CACNA2D3: variants seen among roughly 807,000 people sequenced by gnomAD.
CACNA2D3 encodes the protein voltage-dependent calcium channel subunit alpha-2/delta-3.
CACNA2D3 carries 60 observed loss-of-function variants against 160.6 expected under a neutral mutation model. That is an observed-to-expected ratio of 0.37 (90% confidence interval 0.30 to 0.46). The LOEUF is 0.46. Ranked by LOEUF, CACNA2D3 falls within the 20% of genes least tolerant of loss-of-function variation. The pLI is 1.00. For synonymous variants in CACNA2D3, 558 were observed against 492.9 expected (o/e 1.13, Z -1.75); for missense variants, 1,205 against 1,365.0 (o/e 0.88, Z 1.85).
chr3:54,233,110 G>T (rs1701806873), intron 2 of CACNA2D3, among the ~76,000 whole-genome samples: 1 of 152,176 alleles, frequency 6.6e-6, no homozygotes, highest in Non-Finnish European at 1.5e-5. Context: ...GGAGGCATTT[G>T]AGTAGAGACT....
intron 4 of CACNA2D3, among the ~76,000 whole-genome samples, chr3:54,463,605 C>A (rs1005036787): frequency 4.6e-5 from 7 of 152,204 alleles, no homozygotes; most frequent in Non-Finnish European, 8.8e-5. Context: ...GTTCTCGAGC[C>A]TTGGCTTTCA....
intron 2 of CACNA2D3, among the ~76,000 whole-genome samples, chr3:54,309,029 T>G (rs1703671758): frequency 6.6e-6 from 1 of 152,254 alleles, no homozygotes; most frequent in Non-Finnish European, 1.5e-5. Context: ...GAGATATTTC[T>G]TCTCTAGCAC....
chr3:54,458,261 A>G (rs1700435095), intron 4 of CACNA2D3, among the ~76,000 whole-genome samples: 1 of 151,988 alleles, frequency 6.6e-6, no homozygotes. Context: ...CCACCAGTGA[A>G]TTTTGTAGTT....
At chr3:54,336,566 T>A (rs1392253253) in intron 3 of CACNA2D3, among the ~76,000 whole-genome samples, 2 of 152,140 alleles carry the variant, frequency 1.3e-5, no homozygotes, top group Non-Finnish European at 2.9e-5. Context: ...TTACATGAAA[T>A]TTACATTATA....
intron 11 of CACNA2D3, among the ~76,000 whole-genome samples, chr3:54,682,080 T>A (rs2106915971): frequency 6.6e-6 from 1 of 152,170 alleles, no homozygotes; most frequent in South Asian, 2.1e-4. Flanking sequence ...ATTTGAATCA[T>A]GTGTGCGTGA....
intron 11 of CACNA2D3, among the ~76,000 whole-genome samples, chr3:54,737,190 G>A (rs1269201841): frequency 1.4e-5 from 2 of 142,614 alleles, no homozygotes; most frequent in Non-Finnish European, 3.0e-5. Flanking sequence ...ATATGTGTGT[G>A]TGTGTGTGTG....
At chr3:55,003,575 G>A (rs558984148) in intron 31 of CACNA2D3, among the ~76,000 whole-genome samples, 27 of 152,250 alleles carry the variant, frequency 1.8e-4, no homozygotes, top group Admixed American at 1.1e-3. Flanking sequence ...TTAAATGCCC[G>A]TCTTCGTAGG....
intron 29 of CACNA2D3, among the ~76,000 whole-genome samples, chr3:54,976,238 G>A (rs1367235564): frequency 6.7e-6 from 1 of 149,352 alleles, no homozygotes. Context: ...GAGTCCCATA[G>A]CAATGGACTC....
intron 11 of CACNA2D3, among the ~76,000 whole-genome samples, chr3:54,697,152 C>T (rs781029759): frequency 1.8e-4 from 28 of 152,142 alleles, no homozygotes; most frequent in Non-Finnish European, 3.7e-4. Flanking sequence ...GTGGTGCATG[C>T]TTGTGGTCCC....
chr3:54,676,455 C>G (rs926525963), intron 11 of CACNA2D3, among the ~76,000 whole-genome samples: 1 of 152,120 alleles, frequency 6.6e-6, no homozygotes, highest in Non-Finnish European at 1.5e-5. Context: ...TTGCGTTGTT[C>G]AAACCCTCCT....
At chr3:54,666,985 G>A (rs1411588590) in intron 11 of CACNA2D3, among the ~76,000 whole-genome samples, 1 of 152,190 alleles carries the variant, frequency 6.6e-6, no homozygotes, top group African/African-American at 2.4e-5. Flanking sequence ...GGCTCTAGCG[G>A]TCGATTTTCC....
At chr3:54,378,948 C>T (rs1699055131) in intron 3 of CACNA2D3, among the ~76,000 whole-genome samples, 1 of 152,144 alleles carries the variant, frequency 6.6e-6, no homozygotes. Flanking sequence ...TAATCAGCCT[C>T]AAATTGATAA....
rs141011818 is a variant in CACNA2D3, at chr3:54,761,446, C to T, written c.1247-2772C>T. Among the ~76,000 whole-genome samples the T allele has an allele frequency of 6.3e-3, 963 of 152,318 alleles. 6 individuals are homozygous for T. The highest frequency in any genetic ancestry group is 0.014 in the Middle Eastern group (4 of 294). ...ATGAAATATTTTCTTTCTTATCAAA[C>T]GCTGATTGCAGCCTCCATGCTTGGA... On this transcript the variant is annotated intron_variant, in intron 12 of 37. Transcript: ENST00000474759.
intron 11 of CACNA2D3, among the ~76,000 whole-genome samples, chr3:54,720,115 T>G (rs971940611): frequency 5.3e-5 from 8 of 152,026 alleles, no homozygotes; most frequent in Non-Finnish European, 1.0e-4. Context: ...TACATCTGTT[T>G]GCTGTGTCAT....
intron 17 of CACNA2D3, among the ~76,000 whole-genome samples, chr3:54,852,019 T>A (rs1213183264): frequency 6.6e-6 from 1 of 152,204 alleles, no homozygotes. Context: ...TTATAGGACC[T>A]CCTCTTTCCT....
intron 31 of CACNA2D3, among the ~76,000 whole-genome samples, chr3:54,988,467 T>A (rs1406353599): frequency 6.6e-6 from 1 of 152,206 alleles, no homozygotes; most frequent in Non-Finnish European, 1.5e-5. Flanking sequence ...AATGCCTCCC[T>A]GGGGGTCCAT....
intron 2 of CACNA2D3, among the ~76,000 whole-genome samples, chr3:54,156,679 A>G (rs1279991649): frequency 1.3e-5 from 2 of 152,224 alleles, no homozygotes; most frequent in African/African-American, 2.4e-5. Context: ...GCCAGCCACC[A>G]TGTCATGAGA....
In CACNA2D3 at chr3:54,562,845, A is replaced by C. The variant is rs758754835; in HGVS notation, c.590A>C (p.Lys197Thr). 2 of 1,613,290 alleles carry C rather than the reference A, an allele frequency of 1.2e-6. No individual in the cohort carries two copies. The highest frequency in any genetic ancestry group is 3.3e-5 in the Admixed American group (2 of 60,014). The part of the protein sequence containing the change: ...NGVYWSESLN[K>T]VFVDNFDRDP... ...GTTTATTGGTCTGAATCTCTAAACA[A>C]AGTTTTTGTAGATAACTTTGACCGT... The change falls in exon 6 of 38, where the codon AAA (lysine) becomes ACA (threonine). Residue 197 changes from lysine to threonine, a missense_variant. Physicochemically the swap from Lys to Thr is moderately conservative, Grantham distance 78 (BLOSUM62 -1). This residue lies in a region of CACNA2D3 where 131 missense variants were observed against 201.5 expected (regional missense o/e 0.65). Transcript: ENST00000474759.
At chr3:54,476,173 T>G (rs1328928446) in intron 4 of CACNA2D3, among the ~76,000 whole-genome samples, 1 of 149,758 alleles carries the variant, frequency 6.7e-6, no homozygotes, top group African/African-American at 2.4e-5. Context: ...ATGGTAGCAT[T>G]TCCTTCTTTT....
Sources: allele counts gnomAD v4.1 joint callset (sites outside exome capture counted in the v4.1 genomes callset), GRCh38; gene constraint gnomAD v4.1.1; regional missense constraint gnomAD v4.1.1; transcripts MANE v1.5; gene names NCBI Gene and HGNC (gene_info 2026-07-23, HGNC 2026-07-21).